The following OTUD7A variants were observed in gnomAD, a reference collection of about 807,000 sequenced individuals.
OTUD7A encodes the protein OTU deubiquitinase 7A.
OTUD7A carries 12 observed loss-of-function variants against 65.7 expected under a neutral mutation model. That is an observed-to-expected ratio of 0.18 (90% CI 0.12 to 0.30). The LOEUF (loss-of-function observed/expected upper bound fraction) is 0.30, where lower values mean the gene tolerates loss of function less well. Among genes scored for constraint, OTUD7A ranks in the 10% least tolerant of loss-of-function variants. The pLI is 1.00. For missense variants in OTUD7A, 1,148 were observed against 1,304.8 expected, an observed-to-expected ratio of 0.88 and a Z score of 1.85; for synonymous variants, 641 against 586.3, an observed-to-expected ratio of 1.09 and a Z score of -1.35.
intron 3 of OTUD7A, among the ~76,000 whole-genome samples, chr15:31,604,636 AC>A (rs1197156082): frequency 6.6e-6 from 1 of 152,232 alleles, no homozygotes; most frequent in Non-Finnish European, 1.5e-5. Context: ...CAGCTGCTTC[AC>A]AAAAATACTT....
intron 3 of OTUD7A, 123 bp downstream of exon 3, chr15:31,654,973 T>A (rs1891945925): frequency 1.7e-6 from 2 of 1,198,432 alleles, no homozygotes; most frequent in East Asian, 2.7e-5. Context: ...ATCGGTAAGA[T>A]GTAACACAAA....
At chr15:31,551,203 C>T (rs975956254) in intron 5 of OTUD7A, among the ~76,000 whole-genome samples, 2 of 152,176 alleles carry the variant, frequency 1.3e-5, no homozygotes, top group Admixed American at 1.3e-4. Context: ...TTTCCAGCCT[C>T]CGGAGACCCC....
chr15:31,743,639 GC>G (rs1894399694), intron 1 of OTUD7A, among the ~76,000 whole-genome samples: 1 of 152,116 alleles, frequency 6.6e-6, no homozygotes, highest in Non-Finnish European at 1.5e-5. Context: ...GGGGATGGTA[GC>G]TCATGCCTGT....
At chr15:31,840,457 T>TA (rs1567049581) in intron 1 of OTUD7A, among the ~76,000 whole-genome samples, 1 of 151,374 alleles carries the variant, frequency 6.6e-6, no homozygotes, top group Admixed American at 6.6e-5. Context: ...AAAATAAAAA[T>TA]AAAAATAAAA....
intron 10 of OTUD7A, among the ~76,000 whole-genome samples, chr15:31,488,512 CT>C (rs1240331571): frequency 3.3e-5 from 5 of 152,296 alleles, no homozygotes; most frequent in Non-Finnish European, 5.9e-5. Flanking sequence ...CTCCCCAAGT[CT>C]TTCCTCGCAA....
At chr15:31,862,509 G>A (rs538962623) in intron 1 of OTUD7A, among the ~76,000 whole-genome samples, 9 of 152,294 alleles carry the variant, frequency 5.9e-5, no homozygotes, top group East Asian at 1.9e-4. Flanking sequence ...GAATCATGGC[G>A]GGAGGTGAAA....
chr15:31,849,205 A>T (rs1001145594), intron 1 of OTUD7A, among the ~76,000 whole-genome samples: 2 of 152,226 alleles, frequency 1.3e-5, no homozygotes, highest in Admixed American at 1.3e-4. Flanking sequence ...CAAAACAGAG[A>T]TATAGACCAA....
intron 8 of OTUD7A, among the ~76,000 whole-genome samples, chr15:31,510,965 T>C (rs1400012370): frequency 9.7e-6 from 1 of 103,022 alleles, no homozygotes; most frequent in Non-Finnish European, 1.9e-5. Context: ...TGTATATCTA[T>C]ATGTAACATA....
At chr15:31,814,264 C>G (rs1372258986) in intron 1 of OTUD7A, among the ~76,000 whole-genome samples, 2 of 152,216 alleles carry the variant, frequency 1.3e-5, no homozygotes, top group Non-Finnish European at 2.9e-5. Flanking sequence ...CTTACTCCAG[C>G]TGGAAATTAC....
intron 1 of OTUD7A, among the ~76,000 whole-genome samples, chr15:31,704,483 C>A (rs1171734872): frequency 1.4e-5 from 2 of 145,718 alleles, no homozygotes; most frequent in Non-Finnish European, 3.0e-5. Flanking sequence ...CTCAAATATA[C>A]CTATTTGAGT....
At chr15:31,768,617 C>G (rs1183218390) in intron 1 of OTUD7A, among the ~76,000 whole-genome samples, 1 of 151,782 alleles carries the variant, frequency 6.6e-6, no homozygotes, top group African/African-American at 2.4e-5. Flanking sequence ...CGAGATCGTG[C>G]CACTGCACTC....
At chr15:31,828,536 CTCTT>C (rs1418218336) in intron 1 of OTUD7A, among the ~76,000 whole-genome samples, 6 of 152,096 alleles carry the variant, frequency 3.9e-5, no homozygotes, top group Non-Finnish European at 5.9e-5. Context: ...ATTATACAAA[CTCTT>C]TCTTTTTTAT....
Position 31,484,427 on chromosome 15 carries a change from T to A in OTUD7A, c.1669A>T (p.Asn557Tyr). 1 of 1,602,796 alleles carries A rather than the reference T, an allele frequency of 6.2e-7. No homozygotes were observed. The highest frequency in any genetic ancestry group is 8.5e-7 in the Non-Finnish European group (1 of 1,179,856). The change falls in exon 13 of 13, where the codon AAT becomes TAT. Residue 557 changes from asparagine (N) to tyrosine (Y), a missense_variant. By Grantham distance (143) the Asn-to-Tyr change is moderately radical. Coordinates refer to ENST00000307050, the MANE Select transcript of OTUD7A (RefSeq NM_001382637.1). The surrounding 1 kb of genome is among the most constrained non-coding windows in gnomAD (Gnocchi z 4.5). ...TCGGCCGAGTCCCCGTTCTTGCCAT[T>A]GGCGGAGTTGGCGCGGCCCATCTTG... ...HGKMGRANSA[N>Y]GKNGDSAERG... is the part of the protein sequence containing the mutation.
At position 31,827,107 on chromosome 15, in the gene OTUD7A, T is replaced by A. The variant is rs114984118; in HGVS notation, c.-100+43400A>T. ...GTTGCTTTCACATTTTCACGTATCT[T>A]TTCAGCAACATCCCACTCTACTGGT... On this transcript the variant is annotated intron_variant, in intron 1 of 12. Transcript: ENST00000307050. Among the ~76,000 whole-genome samples, 1,068 of 152,356 alleles carry A rather than the reference T, an allele frequency of 7.0e-3. 15 individuals carry two copies. The highest frequency in any genetic ancestry group is 0.025 in the African/African-American group (1,028 of 41,570).
At chr15:31,501,939 G>T in intron 9 of OTUD7A, 100 bp from the exon 10 acceptor site, 1 of 1,336,922 alleles carries the variant, frequency 7.5e-7, no homozygotes, top group Non-Finnish European at 1.0e-6. Flanking sequence ...GGGGGACTCC[G>T]TGGAGAAGCG....
chr15:31,793,771 G>A (rs1024705305), intron 1 of OTUD7A, among the ~76,000 whole-genome samples: 1 of 152,156 alleles, frequency 6.6e-6, no homozygotes, highest in Non-Finnish European at 1.5e-5. Flanking sequence ...TTAGCCCTGT[G>A]GCTTTCCTGT....
intron 10 of OTUD7A, among the ~76,000 whole-genome samples, chr15:31,488,527 G>A (rs2041271746): frequency 6.6e-6 from 1 of 152,144 alleles, no homozygotes; most frequent in Non-Finnish European, 1.5e-5. Flanking sequence ...CTCGCAACAA[G>A]CAGCAGCCTC....
chr15:31,477,659 A>G lies in OTUD7A; in HGVS notation c.*5635T>C, dbSNP rs1399594179. 1.3e-5 allele frequency: 2 copies of G among 152,186 alleles called. No homozygotes were observed. Among genetic ancestry groups the G allele is most frequent in the Non-Finnish European group, 2.9e-5 (2 of 68,052 alleles). 9.4% of individuals were successfully genotyped at this position (152,186 alleles called of 1,614,324 possible). A position where few individuals can be genotyped will look rare whatever the true frequency, so the allele number is the denominator to read the frequency against. ...CCTCTTAATAGTTTTCAATTTACTG[A>G]TTTAATTTCCTTTTTTCAATAAATA... On this transcript the variant is annotated 3_prime_UTR_variant, in exon 13 of 13. Coordinates refer to ENST00000307050, the MANE Select transcript of OTUD7A (RefSeq NM_001382637.1).
At chr15:31,517,710 A>G (rs1470553387) in intron 8 of OTUD7A, among the ~76,000 whole-genome samples, 4 of 152,168 alleles carry the variant, frequency 2.6e-5, no homozygotes, top group Admixed American at 6.5e-5. Flanking sequence ...CGTCTACCCA[A>G]TGAAAACACC....
Sources: gnomAD v4.1 joint callset for allele counts (sites outside exome capture counted in the v4.1 genomes callset) on GRCh38, gnomAD v4.1.1 for gene constraint, Gnocchi (gnomAD v3.1) non-coding constraint, MANE v1.5 for transcripts, NCBI Gene and HGNC (gene_info 2026-07-23, HGNC 2026-07-21) for gene names.